Variants in TENM2 observed in about 807,000 individuals in gnomAD.
TENM2 encodes the protein teneurin transmembrane protein 2.
In TENM2, 52 loss-of-function variants were observed where a neutral mutation model predicts 245.2. The observed-to-expected ratio is 0.21, with a 90% CI of 0.17 to 0.27. The LOEUF is 0.27. TENM2 is among the 10% of genes least tolerant of loss of function. The pLI, the probability that TENM2 is intolerant of heterozygous loss-of-function variation, is 1.00. For synonymous variants in TENM2, 1,363 were observed against 1,438.9 expected (o/e 0.95, Z 1.19); for missense variants, 3,046 against 3,666.8 (o/e 0.83, Z 4.37).
intron 2 of TENM2, among the ~76,000 whole-genome samples, chr5:167,669,734 G>C (rs193093356): frequency 5.8e-4 from 89 of 152,220 alleles, no homozygotes; most frequent in Admixed American, 9.2e-4. Flanking sequence ...GGTGGCAGAT[G>C]GGGGAGGGAG....
At chr5:168,134,920 T>G (rs1295035377) in intron 12 of TENM2, among the ~76,000 whole-genome samples, 1 of 152,190 alleles carries the variant, frequency 6.6e-6, no homozygotes. Context: ...ATTGACTGTA[T>G]GTAGAAGAAG....
At chr5:168,209,327 T>G (rs1762614029) in intron 19 of TENM2, among the ~76,000 whole-genome samples, 1 of 152,254 alleles carries the variant, frequency 6.6e-6, no homozygotes, top group Non-Finnish European at 1.5e-5. Flanking sequence ...TTGTCATTGA[T>G]GTCCTTGTAT....
intron 13 of TENM2, among the ~76,000 whole-genome samples, chr5:168,181,669 C>CT (rs36042366): frequency 0.017 from 1,302 of 78,776 alleles, 29 homozygotes; most frequent in East Asian, 0.044. Flanking sequence ...AGTTTTACTT[C>CT]TTTTTTTTTT....
chr5:167,597,594 T>G (rs1430184014), intron 2 of TENM2, among the ~76,000 whole-genome samples: 1 of 152,006 alleles, frequency 6.6e-6, no homozygotes, highest in Non-Finnish European at 1.5e-5. Flanking sequence ...CCATAAGGAG[T>G]CAGGGTGGTG....
At chr5:167,145,853 G>A in the TENM2 span, among the ~76,000 whole-genome samples, 1 of 152,078 alleles carries the variant, frequency 6.6e-6, no homozygotes, top group Non-Finnish European at 1.5e-5. Flanking sequence ...CTTCAGCACC[G>A]CTGAATAGAC....
intron 2 of TENM2, among the ~76,000 whole-genome samples, chr5:167,479,827 G>A (rs1281173886): frequency 6.6e-6 from 1 of 152,130 alleles, no homozygotes; most frequent in African/African-American, 2.4e-5. Context: ...TTGGTGAAAT[G>A]CAAAATTTAA....
chr5:167,719,660 C>T (rs767605548), intron 2 of TENM2, among the ~76,000 whole-genome samples: 5 of 152,302 alleles, frequency 3.3e-5, no homozygotes, highest in South Asian at 2.1e-4. Context: ...AAAGTACATG[C>T]GAGAGAGTCT....
At chr5:168,150,786 G>GTGCA (rs1034203918) in intron 12 of TENM2, among the ~76,000 whole-genome samples, 24 of 152,192 alleles carry the variant, frequency 1.6e-4, no homozygotes, top group African/African-American at 5.3e-4. Context: ...GGGGCGCAAA[G>GTGCA]TGCATGGGCT....
chr5:167,687,364 A>G (rs565696063), intron 2 of TENM2, among the ~76,000 whole-genome samples: 1 of 152,178 alleles, frequency 6.6e-6, no homozygotes, highest in African/African-American at 2.4e-5. Context: ...GGAGACCCTT[A>G]TTTTCTGAAG....
chr5:167,873,042 T>C lies in TENM2; in HGVS notation c.503-2944T>C, dbSNP rs115258234. Among the ~76,000 whole-genome samples, 1,274 of 152,346 alleles carry C rather than the reference T, an allele frequency of 8.4e-3. 16 individuals carry two copies. The highest frequency in any genetic ancestry group is 0.029 in the African/African-American group (1,195 of 41,574). On this transcript the variant is annotated intron_variant, in intron 2 of 28. Coordinates refer to ENST00000518659, the Ensembl canonical transcript of TENM2. ...CAATAACACAAACTTTAAAGCCTAT[T>C]GATTGTGAGTTAAAATCTGTTCCTA...
intron 2 of TENM2, among the ~76,000 whole-genome samples, chr5:167,717,587 T>A (rs1759353109): frequency 6.6e-6 from 1 of 152,136 alleles, no homozygotes; most frequent in Admixed American, 6.5e-5. Flanking sequence ...AATTTCAGAA[T>A]AAAAAAATTA....
intron 2 of TENM2, among the ~76,000 whole-genome samples, chr5:167,843,671 A>G (rs540978169): frequency 5.9e-5 from 9 of 152,226 alleles, no homozygotes; most frequent in Non-Finnish European, 8.8e-5. Context: ...GTTTGAAAAC[A>G]AAACCTGTGA....
chr5:167,418,313 C>CAA (rs57972287), intron 2 of TENM2, among the ~76,000 whole-genome samples: 252 of 135,442 alleles, frequency 1.9e-3, no homozygotes, highest in African/African-American at 6.8e-3. Context: ...GAAACTGTCT[C>CAA]AAAAAAAAAA....
chr5:167,940,327 A>C (rs1249723269), intron 3 of TENM2, among the ~76,000 whole-genome samples: 1 of 152,174 alleles, frequency 6.6e-6, no homozygotes, highest in Non-Finnish European at 1.5e-5. Context: ...CAAGTACTCC[A>C]AGAGCCAGGG....
At chr5:167,500,640 A>C (rs1041609070) in intron 2 of TENM2, among the ~76,000 whole-genome samples, 14 of 152,148 alleles carry the variant, frequency 9.2e-5, no homozygotes, top group African/African-American at 3.4e-4. Flanking sequence ...CACTGGACTG[A>C]AGTCCCAATT....
chr5:168,192,026 TA>T (rs1761007054), intron 14 of TENM2, among the ~76,000 whole-genome samples: 1 of 152,110 alleles, frequency 6.6e-6, no homozygotes. Flanking sequence ...AATAGAAAGG[TA>T]AAAATAATCT....
At chr5:167,463,621 C>T (rs937327910) in intron 2 of TENM2, among the ~76,000 whole-genome samples, 2 of 151,984 alleles carry the variant, frequency 1.3e-5, no homozygotes, top group African/African-American at 4.8e-5. Context: ...GCCTCAGCCT[C>T]CCGAGTAGCT....
chr5:168,118,125 C>G (rs536771056), intron 9 of TENM2, among the ~76,000 whole-genome samples, 167 bp from the exon 12 acceptor site: 11 of 152,332 alleles, frequency 7.2e-5, no homozygotes, highest in Admixed American at 2.6e-4. Context: ...ATCAGTAGCA[C>G]TTGTGTTGTT....
chr5:167,395,203 G>A (rs187325050), intron 2 of TENM2, among the ~76,000 whole-genome samples: 124 of 152,114 alleles, frequency 8.2e-4, no homozygotes, highest in African/African-American at 2.7e-3. Context: ...TGTACAAGTC[G>A]TTCACTGCCT....
Sources: gnomAD v4.1 joint callset for allele counts (sites outside exome capture counted in the v4.1 genomes callset) on GRCh38, gnomAD v4.1.1 for gene constraint, MANE v1.5 for transcripts, NCBI Gene and HGNC (gene_info 2026-07-23, HGNC 2026-07-21) for gene names.